CNTNAP4: variants seen among roughly 807,000 people sequenced by gnomAD.
CNTNAP4 encodes contactin-associated protein-like 4.
CNTNAP4 carries 98 observed loss-of-function variants against 148.4 expected under a neutral mutation model. That is an observed-to-expected ratio of 0.66 (90% CI 0.56 to 0.78). CNTNAP4 has a LOEUF of 0.78. Among genes scored for constraint, CNTNAP4 ranks in the 30% least tolerant of loss-of-function variants. The probability of loss-of-function intolerance (pLI) is 0.00; values close to 1 mark genes in which losing one functional copy is unlikely to be tolerated. For missense variants in CNTNAP4, 1,935 were observed against 1,565.6 expected, an observed-to-expected ratio of 1.24 and a Z score of -3.98; for synonymous variants, 730 against 565.1, an observed-to-expected ratio of 1.29 and a Z score of -4.14.
intron 3 of CNTNAP4, among the ~76,000 whole-genome samples, chr16:76,411,362 A>C (rs1010433213): frequency 6.6e-6 from 1 of 151,476 alleles, no homozygotes; most frequent in Non-Finnish European, 1.5e-5. Context: ...TGACTGTATA[A>C]AAACAATAGA....
chr16:76,433,307 A>C (rs993614974), intron 4 of CNTNAP4, among the ~76,000 whole-genome samples: 1 of 152,188 alleles, frequency 6.6e-6, no homozygotes, highest in African/African-American at 2.4e-5. Context: ...CTGAGGGAGA[A>C]GATTGGACAT....
intron 1 of CNTNAP4, among the ~76,000 whole-genome samples, chr16:76,305,910 A>T (rs1960431477): frequency 6.6e-6 from 1 of 152,180 alleles, no homozygotes; most frequent in South Asian, 2.1e-4. Context: ...AATATGTGAT[A>T]ACTGCTTTTC....
At chr16:76,465,223 C>T (rs1045664312) in intron 9 of CNTNAP4, among the ~76,000 whole-genome samples, 1 of 152,208 alleles carries the variant, frequency 6.6e-6, no homozygotes, top group Non-Finnish European at 1.5e-5. Flanking sequence ...AAGTATTCTT[C>T]AGAAATCTTC....
At chr16:76,527,943 C>T (rs962376739) in intron 17 of CNTNAP4, among the ~76,000 whole-genome samples, 3 of 152,102 alleles carry the variant, frequency 2.0e-5, no homozygotes, top group African/African-American at 7.2e-5. Flanking sequence ...TAGTGTTACT[C>T]ATTCTAAGAT....
At chr16:76,541,694 T>G (rs73621251) in intron 21 of CNTNAP4, among the ~76,000 whole-genome samples, 1 of 152,178 alleles carries the variant, frequency 6.6e-6, no homozygotes, top group Non-Finnish European at 1.5e-5. Context: ...ATTAAACCCA[T>G]AGGTGAATGA....
intron 17 of CNTNAP4, among the ~76,000 whole-genome samples, chr16:76,522,719 T>C (rs1301501103): frequency 1.5e-4 from 8 of 52,318 alleles, no homozygotes; most frequent in African/African-American, 4.2e-4. Context: ...TTCTTTTCTT[T>C]TCTTTTCTTT....
intron 3 of CNTNAP4, among the ~76,000 whole-genome samples, chr16:76,356,562 G>A (rs7501035): frequency 0.13 from 20,009 of 152,114 alleles, 2,023 homozygotes; most frequent in East Asian, 0.48. Context: ...GATAACAAAG[G>A]AAAGACTTCT....
intron 2 of CNTNAP4, among the ~76,000 whole-genome samples, chr16:76,351,092 A>C (rs952261314): frequency 6.6e-6 from 1 of 152,184 alleles, no homozygotes; most frequent in African/African-American, 2.4e-5. Context: ...AGGATATTGA[A>C]TATATTGGCA....
At chr16:76,288,693 C>T (rs1354900940) in intron 1 of CNTNAP4, among the ~76,000 whole-genome samples, 1 of 152,170 alleles carries the variant, frequency 6.6e-6, no homozygotes, top group Non-Finnish European at 1.5e-5. Context: ...ATGTTAATCA[C>T]TTCAGTATCT....
chr16:76,491,178 CA>C (rs2082207189), intron 13 of CNTNAP4, among the ~76,000 whole-genome samples: 1 of 152,026 alleles, frequency 6.6e-6, no homozygotes, highest in African/African-American at 2.4e-5. Flanking sequence ...AGAATGTTTT[CA>C]TTTGGCCTCT....
intron 14 of CNTNAP4, among the ~76,000 whole-genome samples, chr16:76,495,476 A>G (rs1289475004): frequency 6.6e-6 from 1 of 152,102 alleles, no homozygotes; most frequent in Non-Finnish European, 1.5e-5. Flanking sequence ...TTTAACATGC[A>G]ATTGTTTTAT....
At position 76,452,726 on chromosome 16, in the gene CNTNAP4, G is replaced by C. The variant is rs8055272; in HGVS notation, c.1290G>C (p.Ser430=). Residue 430 remains serine, a synonymous_variant, in exon 8 of 24, where the codon TCG becomes TCC. Transcript: ENST00000611870. ...TTCTGAGTGATGGAAAACTTAAGTCGAATCTCTACCAGCCAGGAAAATTAC... is the reference window on the plus strand; with the variant it reads ...TTCTGAGTGATGGAAAACTTAAGTCCAATCTCTACCAGCCAGGAAAATTAC... ...LLFLSDGKLK[S]NLYQPGKLPS... The C allele has an allele frequency of 3.0e-3, 4,861 of 1,608,642 alleles. 125 individuals carry two copies. The African/African-American group carries it at 0.054, about 18-fold the overall frequency.
intron 3 of CNTNAP4, among the ~76,000 whole-genome samples, chr16:76,394,230 G>A (rs956756657): frequency 2.0e-5 from 3 of 152,174 alleles, no homozygotes; most frequent in Admixed American, 6.5e-5. Flanking sequence ...TATTTTGGAA[G>A]TTGGCCTTGA....
At position 76,553,284 on chromosome 16, in the gene CNTNAP4, A is replaced by C; in HGVS notation, c.3444A>C (p.Glu1148Asp). 1 of 1,582,056 alleles carries C rather than the reference A, an allele frequency of 6.3e-7. No homozygotes were observed. Among genetic ancestry groups the C allele is most frequent in the South Asian group, 1.1e-5 (1 of 89,484 alleles). Residue 1148 changes from glutamate to aspartate, a missense_variant and splice_region_variant, in exon 22 of 24, where the codon GAA becomes GAC. Physicochemically the swap from Glu to Asp is conservative, Grantham distance 45. Transcript: ENST00000611870. ...VKSLVLGRIL[E>D]HSDVDQDTAL... Reference sequence around the variant, plus strand: ...TTCGGTGTTTCTTTGAATTTCTAGAACACAGTGATGTGGACCAGGATACTG... The same window carrying C: ...TTCGGTGTTTCTTTGAATTTCTAGACCACAGTGATGTGGACCAGGATACTG...
At chr16:76,316,569 A>C in intron 2 of CNTNAP4, 46 bp downstream of exon 2, 1 of 1,248,076 alleles carries the variant, frequency 8.0e-7, no homozygotes, top group Non-Finnish European at 1.2e-6. Context: ...AAATCTCACT[A>C]GTTTTTCATT....
chr16:76,422,262 T>G (rs1467642560), intron 3 of CNTNAP4, among the ~76,000 whole-genome samples: 1 of 152,174 alleles, frequency 6.6e-6, no homozygotes, highest in African/African-American at 2.4e-5. Context: ...TCATTTTACT[T>G]CTAGATATTT....
chr16:76,394,213 GTTTA>G (rs1363167362), intron 3 of CNTNAP4, among the ~76,000 whole-genome samples: 3 of 152,292 alleles, frequency 2.0e-5, no homozygotes, highest in South Asian at 2.1e-4. Flanking sequence ...GGTCAGGAAT[GTTTA>G]TTTATTTTGG....
chr16:76,318,016 C>A (rs1393491127), intron 2 of CNTNAP4, among the ~76,000 whole-genome samples: 1 of 152,046 alleles, frequency 6.6e-6, no homozygotes, highest in African/African-American at 2.4e-5. Flanking sequence ...AGTTACTGGT[C>A]ACATGGGACT....
At chr16:76,300,911 T>G (rs1416138527) in intron 1 of CNTNAP4, among the ~76,000 whole-genome samples, 3 of 151,614 alleles carry the variant, frequency 2.0e-5, no homozygotes, top group Admixed American at 6.6e-5. Flanking sequence ...TTTTATTTAT[T>G]TATTTTATTT....
Sources: gnomAD v4.1 joint callset for allele counts (sites outside exome capture counted in the v4.1 genomes callset) on GRCh38, gnomAD v4.1.1 for gene constraint, MANE v1.5 for transcripts, NCBI Gene and HGNC (gene_info 2026-07-23, HGNC 2026-07-21) for gene names.